BCL2L14: variants seen among roughly 807,000 people sequenced by gnomAD.
BCL2L14 encodes the protein BCL2 like 14, also known as apoptosis facilitator Bcl-2-like protein 14.
A neutral mutation model predicts 35.3 loss-of-function variants in BCL2L14; 27 were observed. That is an observed-to-expected ratio of 0.76 (90% confidence interval 0.56 to 1.05). BCL2L14 has a LOEUF of 1.05. Among genes scored for constraint, BCL2L14 ranks in the 50% least tolerant of loss-of-function variants. The pLI, the probability that BCL2L14 is intolerant of heterozygous loss-of-function variation, is 0.00. For missense variants in BCL2L14, 377 were observed against 382.6 expected (o/e 0.99, Z 0.12); for synonymous variants, 139 against 145.9 (o/e 0.95, Z 0.34).
chr12:12,086,274 C>T (rs769614690), intron 2 of BCL2L14, among the ~76,000 whole-genome samples: 1 of 152,172 alleles, frequency 6.6e-6, no homozygotes, highest in Non-Finnish European at 1.5e-5. Context: ...GCTGTGATCA[C>T]ACCACTGCAC....
chr12:12,050,432 C>CAAAAAAAAAAAAA (rs774928633), intron 1 of BCL2L14, among the ~76,000 whole-genome samples: 1 of 70,102 alleles, frequency 1.4e-5, no homozygotes, highest in African/African-American at 4.4e-5. Flanking sequence ...GACACCATCT[C>CAAAAAAAAAAAAA]AAAAAAAAAA....
intron 2 of BCL2L14, among the ~76,000 whole-genome samples, chr12:12,062,169 C>A (rs28762682): frequency 0.67 from 95,434 of 143,426 alleles, 30,981 homozygotes; most frequent in Admixed American, 0.72. Context: ...TGCTCCCCGG[C>A]TCCTTCAGCT....
chr12:12,096,122 T>C, intron 5 of BCL2L14: 1 of 985,344 alleles, frequency 1.0e-6, no homozygotes, highest in Non-Finnish European at 1.2e-6. Flanking sequence ...CAGTCTCTAA[T>C]CTCCAGCACT....
chr12:12,076,191 G>A (rs1948777738), intron 1 of BCL2L14, among the ~76,000 whole-genome samples: 1 of 143,444 alleles, frequency 7.0e-6, no homozygotes, highest in African/African-American at 2.6e-5. Flanking sequence ...AAATGCATGG[G>A]GGAGGGTGGG....
intron 1 of BCL2L14, among the ~76,000 whole-genome samples, chr12:12,050,587 A>G (rs1209417327): frequency 1.3e-5 from 2 of 151,898 alleles, no homozygotes; most frequent in African/African-American, 2.4e-5. Context: ...TTATAGGAGT[A>G]GACCTGGAAC....
At chr12:12,074,238 G>T (rs1452131183) in intron 1 of BCL2L14, among the ~76,000 whole-genome samples, 1 of 151,986 alleles carries the variant, frequency 6.6e-6, no homozygotes, top group African/African-American at 2.4e-5. Flanking sequence ...CATTCATTCA[G>T]TCAGTCATCA....
intron 5 of BCL2L14, chr12:12,095,145 G>T (rs1591839371): frequency 1.0e-6 from 1 of 985,362 alleles, no homozygotes; most frequent in East Asian, 1.1e-4. Context: ...CCAAGGGTAT[G>T]CAGGGTATGT....
chr12:12,065,284 T>C (rs2909008), intron 2 of BCL2L14, among the ~76,000 whole-genome samples: 149,897 of 152,272 alleles, frequency 0.98, 73,838 homozygotes, highest in East Asian at 1. Context: ...GCATATAATC[T>C]CAGCACTTTG....
At chr12:12,084,440 G>A (rs1192187951) in intron 2 of BCL2L14, among the ~76,000 whole-genome samples, 2 of 152,156 alleles carry the variant, frequency 1.3e-5, no homozygotes, top group African/African-American at 4.8e-5. Flanking sequence ...GTGGGAAAGA[G>A]CAGTCCATAA....
At chr12:12,092,000 T>C (rs957426704) in intron 4 of BCL2L14, among the ~76,000 whole-genome samples, 1 of 152,184 alleles carries the variant, frequency 6.6e-6, no homozygotes, top group Non-Finnish European at 1.5e-5. Flanking sequence ...GAGAGAATGA[T>C]CTTCCTGTCA....
At chr12:12,096,951 G>A (rs949440994) in intron 5 of BCL2L14, among the ~76,000 whole-genome samples, 3 of 152,094 alleles carry the variant, frequency 2.0e-5, no homozygotes, top group Admixed American at 6.5e-5. Context: ...AGACCATCCT[G>A]GCTAACACGG....
upstream of BCL2L14, among the ~76,000 whole-genome samples, chr12:12,070,727 C>T (rs531672435): frequency 6.6e-5 from 10 of 151,942 alleles, no homozygotes; most frequent in Admixed American, 2.6e-4. Context: ...CCATGTTAGG[C>T]GGTCAGTAAA....
Position 12,099,006 on chromosome 12 carries a change from C to T in BCL2L14, c.*18C>T. On this transcript the variant is annotated 3_prime_UTR_variant, in exon 6 of 6. Transcript: ENST00000308721. ...TAGACTGAAATATCAGATTTGTCAT[C>T]AGGAATACTCTTTGTCTACTGTGGT... 6.3e-6 allele frequency: 10 copies of T among 1,582,100 alleles called. No homozygotes were observed. Among genetic ancestry groups the T allele is most frequent in the Non-Finnish European group, 8.7e-6 (10 of 1,150,840 alleles).
chr12:12,067,467 C>T (rs1948607397), upstream of BCL2L14, among the ~76,000 whole-genome samples: 1 of 151,994 alleles, frequency 6.6e-6, no homozygotes, highest in African/African-American at 2.4e-5. Flanking sequence ...GGGAGAATAG[C>T]TTGAACCCGG....
rs938816047 is a variant in BCL2L14, at chr12:12,090,549, C to G, written c.608-230C>G. 2.0e-5 allele frequency among the ~76,000 whole-genome samples: 3 copies of G among 152,064 alleles called. No homozygotes were observed. In the East Asian group the frequency reaches 5.8e-4, roughly 29 times the overall value. On this transcript the variant is annotated intron_variant, in intron 3 of 5. Transcript: ENST00000308721. ...TTGGGAGACTGAGGCATGAGAATCTCTTGAACCTGGGAGGCAGAGGTTGCA... is the reference window on the plus strand; with the variant it reads ...TTGGGAGACTGAGGCATGAGAATCTGTTGAACCTGGGAGGCAGAGGTTGCA...
At chr12:12,058,154 G>A (rs1948461344) in intron 2 of BCL2L14, among the ~76,000 whole-genome samples, 1 of 151,862 alleles carries the variant, frequency 6.6e-6, no homozygotes, top group Admixed American at 6.6e-5. Context: ...GTTTCACCAT[G>A]TTGGCCAGGC....
chr12:12,058,672 C>T (rs1247828515), intron 2 of BCL2L14, among the ~76,000 whole-genome samples: 2 of 152,240 alleles, frequency 1.3e-5, no homozygotes, highest in African/African-American at 4.8e-5. Context: ...CACCCCATCT[C>T]CCTTCACTGA....
chr12:12,088,923 G>T (rs185944701), intron 3 of BCL2L14, among the ~76,000 whole-genome samples: 14 of 152,304 alleles, frequency 9.2e-5, no homozygotes, highest in Non-Finnish European at 2.1e-4. Flanking sequence ...ATCCCACATG[G>T]GCTTGGGAGA....
chr12:12,090,892 T>C, intron 4 of BCL2L14, 43 bp downstream of exon 4: 3 of 1,477,610 alleles, frequency 2.0e-6, no homozygotes, highest in Non-Finnish European at 2.8e-6. Context: ...TCTGTGCCCA[T>C]GCACTAGTAC....
Sources: gnomAD v4.1 joint callset for allele counts (sites outside exome capture counted in the v4.1 genomes callset) on GRCh38, gnomAD v4.1.1 for gene constraint, MANE v1.5 for transcripts, NCBI Gene and HGNC (gene_info 2026-07-23, HGNC 2026-07-21) for gene names.